Variants in MMS22L observed in about 807,000 individuals in gnomAD.
MMS22L encodes the protein protein MMS22-like.
MMS22L carries 74 observed loss-of-function variants against 159.1 expected under a neutral mutation model. The ratio of observed to expected loss-of-function variants is 0.47; its 90% CI spans 0.39 to 0.56. MMS22L has a LOEUF of 0.56. MMS22L is among the 20% of genes least tolerant of loss of function. The probability of loss-of-function intolerance (pLI) is 0.00; values close to 1 mark genes in which losing one functional copy is unlikely to be tolerated. For synonymous variants in MMS22L, 517 were observed against 506.9 expected (o/e 1.02, Z -0.27); for missense variants, 1,351 against 1,422.1 (o/e 0.95, Z 0.80).
intron 10 of MMS22L, among the ~76,000 whole-genome samples, chr6:97,250,351 A>C (rs1300940228): frequency 6.6e-6 from 1 of 152,154 alleles, no homozygotes; most frequent in African/African-American, 2.4e-5. Flanking sequence ...CTCTCATTTT[A>C]AGGTTACATT....
intron 9 of MMS22L, among the ~76,000 whole-genome samples, chr6:97,257,186 G>C (rs772135492): frequency 6.6e-6 from 1 of 151,980 alleles, no homozygotes; most frequent in Non-Finnish European, 1.5e-5. Flanking sequence ...ACTATAGTTA[G>C]AAGTATATCA....
At chr6:97,271,635 T>G (rs1401591936) in intron 6 of MMS22L, 1 of 152,206 alleles carries the variant, frequency 6.6e-6, no homozygotes, top group African/African-American at 2.4e-5. Context: ...AAAACTTGTT[T>G]CTGCTTCATT....
intron 14 of MMS22L, among the ~76,000 whole-genome samples, chr6:97,211,051 A>G (rs940628659): frequency 3.3e-5 from 5 of 152,012 alleles, no homozygotes; most frequent in African/African-American, 2.4e-5. Context: ...AAGTGCAGGA[A>G]CATTTTCATG....
intron 9 of MMS22L, among the ~76,000 whole-genome samples, chr6:97,262,229 T>C (rs183437425): frequency 3.3e-5 from 5 of 152,310 alleles, no homozygotes; most frequent in East Asian, 1.9e-4. Flanking sequence ...CTCTAGGTTA[T>C]GAAAATAAAT....
At position 97,246,190 on chromosome 6, in the gene MMS22L, A is replaced by C. The variant is rs1175199806; in HGVS notation, c.1182+438T>G. On this transcript the variant is annotated intron_variant, in intron 11 of 24. Transcript: ENST00000683635. Reference sequence around the variant, plus strand: ...AGAAAAATGATAAGGTATGAAACGAATGGTCAGAAACTAGGACCTTATCAG... The same window carrying C: ...AGAAAAATGATAAGGTATGAAACGACTGGTCAGAAACTAGGACCTTATCAG... 3 of 451,586 alleles carry C rather than the reference A, an allele frequency of 6.6e-6. No individual in the cohort carries two copies. In the Admixed American group the frequency reaches 7.4e-5, roughly 11 times the overall value. 28.0% of individuals were successfully genotyped at this position (451,586 alleles called of 1,614,324 possible).
chr6:97,168,226 A>C lies in MMS22L; in HGVS notation c.2854T>G (p.Ser952Ala). 1.2e-6 allele frequency: 2 copies of C among 1,612,416 alleles called. No homozygotes were observed. The highest frequency in any genetic ancestry group is 4.5e-5 in the East Asian group (2 of 44,838). The stretch of plus-strand genomic sequence containing the variant: ...GAAGTGGCAAAGATTTGTGCCCATG[A>C]TTTCACAAGAATTCCTAACAAAGAA... ...TYGMMGILVK[S>A]WAQIFATSKA... The change falls in exon 20 of 25, where the codon TCA becomes GCA. Residue 952 changes from serine (S) to alanine (A), a missense_variant. By Grantham distance (99) the Ser-to-Ala change is moderately conservative. Transcript: ENST00000683635.
chr6:97,254,774 C>T, intron 9 of MMS22L, 41 bp from the exon 10 acceptor site: 1 of 1,473,942 alleles, frequency 6.8e-7, no homozygotes, highest in Non-Finnish European at 9.1e-7. Flanking sequence ...AAGACAGTTT[C>T]AATAACCTTT....
intron 14 of MMS22L, among the ~76,000 whole-genome samples, chr6:97,227,293 C>T (rs1479851023): frequency 6.6e-6 from 1 of 152,136 alleles, no homozygotes; most frequent in Non-Finnish European, 1.5e-5. Flanking sequence ...CCCACGACTG[C>T]CTCTTCTGAA....
At chr6:97,228,631 T>C (rs756853693) in intron 14 of MMS22L, among the ~76,000 whole-genome samples, 1 of 152,242 alleles carries the variant, frequency 6.6e-6, no homozygotes, top group East Asian at 1.9e-4. Flanking sequence ...TATCTCATTA[T>C]GCATATGCAA....
At chr6:97,280,886 C>T (rs899983150) in intron 3 of MMS22L, among the ~76,000 whole-genome samples, 1 of 152,116 alleles carries the variant, frequency 6.6e-6, no homozygotes, top group African/African-American at 2.4e-5. Flanking sequence ...TTCTATTACA[C>T]AGTCTAAACA....
intron 7 of MMS22L, among the ~76,000 whole-genome samples, chr6:97,269,604 A>G (rs1815509028): frequency 6.6e-6 from 1 of 152,170 alleles, no homozygotes; most frequent in South Asian, 2.1e-4. Context: ...AAACACTGAT[A>G]AATGAAAGAT....
rs562027936 is a variant in MMS22L at position 97,205,072 on chromosome 6, T to C, written c.2040-18382A>G. 8.6e-3 allele frequency among the ~76,000 whole-genome samples: 1,282 copies of C among 149,482 alleles called. 6 individuals carry two copies. Among genetic ancestry groups the C allele is most frequent in the Middle Eastern group, 0.014 (4 of 286 alleles). Reference sequence around the variant, plus strand: ...CATTCTCCTGCCTTAGCCTCCGGAGTAGCTGGGACTACAGGTGTGCGCCAC... The same window carrying C: ...CATTCTCCTGCCTTAGCCTCCGGAGCAGCTGGGACTACAGGTGTGCGCCAC... On this transcript the variant is annotated intron_variant, in intron 14 of 24. Coordinates refer to ENST00000683635, the MANE Select transcript of MMS22L (RefSeq NM_001350599.2).
At chr6:97,223,997 G>C (rs1228609816) in intron 14 of MMS22L, among the ~76,000 whole-genome samples, 1 of 152,116 alleles carries the variant, frequency 6.6e-6, no homozygotes, top group Non-Finnish European at 1.5e-5. Context: ...GATTTGATGG[G>C]TTTTTTATGG....
At chr6:97,146,985 C>CATCT in intron 24 of MMS22L, 98 bp from the exon 25 acceptor site, 1 of 772,816 alleles carries the variant, frequency 1.3e-6, no homozygotes, top group Non-Finnish European at 2.1e-6. Flanking sequence ...TCCATCCATC[C>CATCT]ATCTATTCAG....
At chr6:97,161,227 A>T (rs1197076785) in intron 22 of MMS22L, among the ~76,000 whole-genome samples, 1 of 152,002 alleles carries the variant, frequency 6.6e-6, no homozygotes, top group African/African-American at 2.4e-5. Flanking sequence ...GAGGTGATGT[A>T]ACCTCAGGTA....
chr6:97,213,278 T>A (rs1294784038), intron 14 of MMS22L, among the ~76,000 whole-genome samples: 2 of 152,210 alleles, frequency 1.3e-5, no homozygotes, highest in African/African-American at 2.4e-5. Flanking sequence ...TGATGGCGCA[T>A]GCCTGTGGTC....
chr6:97,156,101 G>GT (rs995021785), intron 22 of MMS22L, among the ~76,000 whole-genome samples: 108 of 152,122 alleles, frequency 7.1e-4, no homozygotes, highest in African/African-American at 2.3e-3. Flanking sequence ...GCATTTTTTC[G>GT]TAAGTTTTTT....
At chr6:97,194,454 T>C (rs1266727783) in intron 14 of MMS22L, among the ~76,000 whole-genome samples, 1 of 152,076 alleles carries the variant, frequency 6.6e-6, no homozygotes, top group African/African-American at 2.4e-5. Context: ...AAAAAAGGGA[T>C]AATAATAGTA....
At chr6:97,159,194 T>C (rs1369934496) in intron 22 of MMS22L, among the ~76,000 whole-genome samples, 1 of 151,406 alleles carries the variant, frequency 6.6e-6, no homozygotes, top group Non-Finnish European at 1.5e-5. Context: ...TTTTGAGCCT[T>C]TGCACATTGA....
Sources: gnomAD v4.1 joint callset for allele counts (sites outside exome capture counted in the v4.1 genomes callset) on GRCh38, gnomAD v4.1.1 for gene constraint, MANE v1.5 for transcripts, NCBI Gene and HGNC (gene_info 2026-07-23, HGNC 2026-07-21) for gene names.